The following CAPZB variants were observed in gnomAD, a reference collection of about 807,000 sequenced individuals.
CAPZB encodes the protein F-actin-capping protein subunit beta.
In CAPZB, 2 loss-of-function variants were observed where a neutral mutation model predicts 38.1. That is an observed-to-expected ratio of 0.05 (90% CI 0.02 to 0.17). The LOEUF is 0.17. Ranked by LOEUF, CAPZB falls within the 10% of genes least tolerant of loss-of-function variation. The pLI is 1.00. For synonymous variants in CAPZB, 107 were observed against 127.4 expected (o/e 0.84, Z 1.08); for missense variants, 161 against 334.2 (o/e 0.48, Z 4.04).
chr1:19,477,310 A>G (rs1013501442), intron 1 of CAPZB, among the ~76,000 whole-genome samples: 1 of 152,200 alleles, frequency 6.6e-6, no homozygotes, highest in Non-Finnish European at 1.5e-5. Context: ...CAGGACAACC[A>G]GGGGTCCACA....
chr1:19,398,920 C>T (rs1359668654), intron 2 of CAPZB, among the ~76,000 whole-genome samples: 2 of 150,028 alleles, frequency 1.3e-5, no homozygotes, highest in Admixed American at 6.6e-5. Context: ...TGCAATGGAG[C>T]GATCTCGAGT....
chr1:19,484,492 G>A lies in CAPZB; in HGVS notation c.3+944C>T, dbSNP rs35425189. The A allele has an allele frequency of 2.8e-6, 4 of 1,405,188 alleles. No homozygotes were observed. In the South Asian group the frequency reaches 4.1e-5, roughly 15 times the overall value. The allele number at this position is 1,405,188 out of a possible 1,614,324, so 87.0% of individuals were successfully genotyped here. A position where few individuals can be genotyped will look rare whatever the true frequency, so the allele number is the denominator to read the frequency against. On this transcript the variant is annotated intron_variant, in intron 1 of 8. Coordinates refer to ENST00000264202, the MANE Select transcript of CAPZB (RefSeq NM_004930.5). ...GGCAGCCTCGAGAAGGGCCCGCAGA[G>A]CAGCGCGCTGCCTTCTGGGCACACC...
intron 1 of CAPZB, among the ~76,000 whole-genome samples, chr1:19,432,500 T>C (rs1445462986): frequency 1.3e-5 from 2 of 152,238 alleles, no homozygotes; most frequent in African/African-American, 4.8e-5. Context: ...ATTTTTATTT[T>C]TAAGTGAATT....
At chr1:19,465,617 G>A (rs1440984793) in intron 1 of CAPZB, among the ~76,000 whole-genome samples, 1 of 152,162 alleles carries the variant, frequency 6.6e-6, no homozygotes, top group Non-Finnish European at 1.5e-5. Flanking sequence ...GAAGTGGTGT[G>A]GTCCATTGCT....
At chr1:19,465,114 A>G (rs1304670035) in intron 1 of CAPZB, among the ~76,000 whole-genome samples, 2 of 152,252 alleles carry the variant, frequency 1.3e-5, no homozygotes, top group African/African-American at 4.8e-5. Flanking sequence ...AGTGGAAGAC[A>G]CTGGGCATGT....
At chr1:19,394,135 G>A (rs1262424491) in intron 2 of CAPZB, among the ~76,000 whole-genome samples, 1 of 152,182 alleles carries the variant, frequency 6.6e-6, no homozygotes, top group East Asian at 1.9e-4. Flanking sequence ...TGAGTAGCTG[G>A]GATTATAAGT....
intron 2 of CAPZB, among the ~76,000 whole-genome samples, chr1:19,399,269 CA>C (rs1445983352): frequency 6.6e-6 from 1 of 152,136 alleles, no homozygotes; most frequent in African/African-American, 2.4e-5. Context: ...GAAGGTGAAT[CA>C]AGAGAGGATA....
intron 4 of CAPZB, among the ~76,000 whole-genome samples, chr1:19,360,344 A>C (rs1395482913): frequency 6.6e-6 from 1 of 152,336 alleles, no homozygotes; most frequent in East Asian, 1.9e-4. Context: ...CAAACAAAAA[A>C]ACCCTACTTT....
intron 3 of CAPZB, 51 bp from the exon 4 acceptor site, chr1:19,378,704 C>T (rs756049062): frequency 8.9e-6 from 9 of 1,006,648 alleles, no homozygotes; most frequent in African/African-American, 3.2e-5. Flanking sequence ...CATGAAGACA[C>T]GGCCAGCGAG....
At chr1:19,483,118 C>T (rs1433690337) in intron 1 of CAPZB, among the ~76,000 whole-genome samples, 1 of 152,184 alleles carries the variant, frequency 6.6e-6, no homozygotes, top group Non-Finnish European at 1.5e-5. Flanking sequence ...CATTCTGGCC[C>T]ATGCTAAATA....
chr1:19,355,645 G>C (rs1452701070), intron 6 of CAPZB, among the ~76,000 whole-genome samples: 1 of 152,232 alleles, frequency 6.6e-6, no homozygotes, highest in Non-Finnish European at 1.5e-5. Context: ...CTGGAACTGA[G>C]AACGGAAGGG....
chr1:19,474,409 C>T (rs77635024), intron 1 of CAPZB, among the ~76,000 whole-genome samples: 7,773 of 152,198 alleles, frequency 0.051, 660 homozygotes, highest in African/African-American at 0.18. Context: ...GGTTCAAGCC[C>T]GCACAGTTCA....
At chr1:19,382,741 G>A (rs920495888) in intron 3 of CAPZB, among the ~76,000 whole-genome samples, 4 of 152,134 alleles carry the variant, frequency 2.6e-5, no homozygotes, top group Non-Finnish European at 5.9e-5. Flanking sequence ...ACATGATCCC[G>A]TCCTTCCACC....
chr1:19,381,646 T>C (rs1467700960), intron 3 of CAPZB, among the ~76,000 whole-genome samples: 6 of 151,108 alleles, frequency 4.0e-5, no homozygotes, highest in Non-Finnish European at 8.8e-5. Flanking sequence ...CATGGTCCAC[T>C]GTACAGGACC....
chr1:19,429,289 A>T (rs2094434553), intron 1 of CAPZB, among the ~76,000 whole-genome samples: 1 of 152,158 alleles, frequency 6.6e-6, no homozygotes, highest in South Asian at 2.1e-4. Flanking sequence ...CAAACAAAAA[A>T]AAAAAAGAAA....
intron 2 of CAPZB, among the ~76,000 whole-genome samples, chr1:19,386,421 C>T (rs2094204409): frequency 6.6e-6 from 1 of 152,226 alleles, no homozygotes. Context: ...AGGCCTGAGT[C>T]ACTTCCACGC....
At chr1:19,393,660 T>C (rs1445621895) in intron 2 of CAPZB, among the ~76,000 whole-genome samples, 1 of 152,134 alleles carries the variant, frequency 6.6e-6, no homozygotes. Context: ...GAAAAAAGAA[T>C]AGAATTGGGG....
chr1:19,384,143 C>T (rs934953797), intron 3 of CAPZB, among the ~76,000 whole-genome samples: 7 of 152,122 alleles, frequency 4.6e-5, no homozygotes, highest in African/African-American at 1.7e-4. Flanking sequence ...TCTTTTATCC[C>T]CCCAATAAAT....
chr1:19,426,056 C>T (rs1167148010), intron 1 of CAPZB, among the ~76,000 whole-genome samples: 1 of 152,162 alleles, frequency 6.6e-6, no homozygotes, highest in Non-Finnish European at 1.5e-5. Flanking sequence ...GAGAGGTGAG[C>T]CAGGTGCGTG....
Sources: gnomAD v4.1 joint callset for allele counts (sites outside exome capture counted in the v4.1 genomes callset) on GRCh38, gnomAD v4.1.1 for gene constraint, MANE v1.5 for transcripts, NCBI Gene and HGNC (gene_info 2026-07-23, HGNC 2026-07-21) for gene names.